The following MECR variants were observed in gnomAD, a reference collection of about 807,000 sequenced individuals.
MECR encodes the protein enoyl-[acyl-carrier-protein] reductase, mitochondrial.
In MECR, 37 loss-of-function variants were observed where a neutral mutation model predicts 49.1. That is an observed-to-expected ratio of 0.75 (90% CI 0.58 to 0.99). The LOEUF is 0.99. Ranked by LOEUF, MECR falls within the 50% of genes least tolerant of loss-of-function variation. The pLI is 0.00. For synonymous variants in MECR, 198 were observed against 191.1 expected, an observed-to-expected ratio of 1.04 and a Z score of -0.30; for missense variants, 470 against 479.6, an observed-to-expected ratio of 0.98 and a Z score of 0.19.
the MECR span, chr1:29,173,161 A>G: frequency 4.5e-5 from 5 of 111,012 alleles, no homozygotes; most frequent in Middle Eastern, 8.8e-3. Flanking sequence ...TTTTTGAGAC[A>G]GAGTCTTGCT....
At position 29,203,171 on chromosome 1, in the gene MECR, C is replaced by A. The variant is rs149278145; in HGVS notation, c.613G>T (p.Ala205Ser). 2 of 1,585,232 alleles carry A rather than the reference C, an allele frequency of 1.3e-6. No homozygotes were observed. The highest frequency in any genetic ancestry group is 1.7e-6 in the Non-Finnish European group (2 of 1,162,128). The change falls in exon 5 of 10, where the codon GCA becomes TCA. Residue 205 changes from alanine to serine, a missense_variant. By Grantham distance (99) the Ala-to-Ser change is moderately conservative. Transcript: ENST00000263702. ...TTGATGGTTCTTAGGCCCAGGGCTG[C>A]GGCGATCTGGATGACTGCTTGCCCC... ...GVGQAVIQIA[A>S]ALGLRTINVV...
At chr1:29,229,148 G>A (rs918931300) in intron 1 of MECR, 17 of 151,822 alleles carry the variant, frequency 1.1e-4, no homozygotes, top group African/African-American at 3.1e-4. Flanking sequence ...AGGCTGATTG[G>A]ATGACCTTGA....
Position 29,230,878 on chromosome 1 carries a change from A to G in MECR, c.29T>C (p.Val10Ala), listed in dbSNP as rs200637441. 15 of 1,581,984 alleles carry G rather than the reference A, an allele frequency of 9.5e-6. No homozygotes were observed. The highest frequency in any genetic ancestry group is 6.8e-5 in the East Asian group (3 of 43,854). The change falls in exon 1 of 10, where the codon GTG (valine) becomes GCG (alanine). Residue 10 changes from valine (V) to alanine (A), a missense_variant. Val to Ala is a moderately conservative substitution (Grantham distance 64, BLOSUM62 0). Transcript: ENST00000263702. Reference protein sequence around the residue: MWVCSTLWRVRTPARQWRGL... With the variant: MWVCSTLWRARTPARQWRGL... ...CCGCCACTGCCGGGCGGGGGTTCGC[A>G]CCCGCCACAGGGTACTGCAGACCCA...
chr1:29,182,530 C>T, the MECR span, among the ~76,000 whole-genome samples: 1 of 151,980 alleles, frequency 6.6e-6, no homozygotes, highest in Non-Finnish European at 1.5e-5. Flanking sequence ...GAGTAAATTA[C>T]TTGACCACAA....
At position 29,194,031 on chromosome 1, in the gene MECR, G is replaced by A. The variant is rs756931173; in HGVS notation, c.1113C>T (p.Leu371=). 24 of 1,613,988 alleles carry A rather than the reference G, an allele frequency of 1.5e-5. No individual in the cohort carries two copies. In the East Asian group the frequency reaches 4.5e-4, roughly 30 times the overall value. Reference sequence around the variant, plus strand: ...AGCTCTTTTGGGATGATCACATGGTGAGAATCTGCTTTGAAGATATGAAGG... The same window carrying A: ...AGCTCTTTTGGGATGATCACATGGTAAGAATCTGCTTTGAAGATATGAAGG... ...MKPFISSKQI[L]TM The change falls in exon 10 of 10, where the codon CTC becomes CTT. Residue 371 remains leucine, a synonymous_variant. Transcript: ENST00000263702.
At chr1:29,186,639 G>A in the MECR span, among the ~76,000 whole-genome samples, 8 of 152,160 alleles carry the variant, frequency 5.3e-5, no homozygotes, top group Admixed American at 3.9e-4. Context: ...TCCTGATTCT[G>A]CCTTTTTCTC....
At position 29,206,899 on chromosome 1, in the gene MECR, C is replaced by A. The variant is rs1676732512; in HGVS notation, c.413G>T (p.Trp138Leu). Residue 138 changes from tryptophan (W) to leucine (L), a missense_variant, in exon 4 of 10, where the codon TGG (tryptophan) becomes TTG (leucine). Trp to Leu is a moderately conservative substitution (Grantham distance 61, BLOSUM62 -2). Transcript: ENST00000263702. ...VIPANAGLGT[W>L]RTEAVFSEEA... is the part of the protein sequence containing the mutation. ...CTCGCTGAACACAGCCTCGGTCCGCCAGGTTCCTGAGTCAGAAGATGAAGC... is the reference window on the plus strand; with the variant it reads ...CTCGCTGAACACAGCCTCGGTCCGCAAGGTTCCTGAGTCAGAAGATGAAGC... 1 of 1,614,040 alleles carries A rather than the reference C, an allele frequency of 6.2e-7. No homozygotes were observed. Among genetic ancestry groups the A allele is most frequent in the Non-Finnish European group, 8.5e-7 (1 of 1,179,992 alleles).
At chr1:29,181,767 T>C in the MECR span, 4 of 1,566,406 alleles carry the variant, frequency 2.6e-6, no homozygotes, top group Non-Finnish European at 1.7e-6. Context: ...GCAACGGCAG[T>C]GATGGCTGGC....
downstream of MECR, among the ~76,000 whole-genome samples, chr1:29,190,198 C>A (rs1673092900): frequency 6.6e-6 from 1 of 151,414 alleles, no homozygotes; most frequent in South Asian, 2.1e-4. Flanking sequence ...CACAGTGAAA[C>A]CCTGTCTCTA....
At chr1:29,226,306 C>T (rs1682062456) in intron 1 of MECR, among the ~76,000 whole-genome samples, 1 of 151,784 alleles carries the variant, frequency 6.6e-6, no homozygotes, top group African/African-American at 2.4e-5. Flanking sequence ...TTTACAAAAG[C>T]CTCGGGATCC....
chr1:29,181,626 C>T, the MECR span: 7 of 1,569,864 alleles, frequency 4.5e-6, no homozygotes, highest in Non-Finnish European at 5.2e-6. Context: ...CCCGGCCGGA[C>T]CCTCTTTCGC....
intron 9 of MECR, 114 bp from the exon 10 acceptor site, chr1:29,194,293 G>A (rs1673439211): frequency 8.3e-7 from 1 of 1,211,162 alleles, no homozygotes; most frequent in Admixed American, 2.4e-5. Context: ...AAAGCCTTGA[G>A]AGTCCTGGCT....
intron 3 of MECR, among the ~76,000 whole-genome samples, chr1:29,215,690 G>A (rs1679213299): frequency 6.6e-6 from 1 of 150,480 alleles, no homozygotes; most frequent in African/African-American, 2.4e-5. Context: ...GGCCAACATG[G>A]TGAAACCCCA....
In MECR at chr1:29,196,181, C is replaced by T. The variant is rs1169346435; in HGVS notation, c.891+17G>A. Reference sequence around the variant, plus strand: ...CTGGCCCGGCTCCAGGCATGCCTCCCTCTGCACCCAGCTTACCACAGAGGC... The same window carrying T: ...CTGGCCCGGCTCCAGGCATGCCTCCTTCTGCACCCAGCTTACCACAGAGGC... On this transcript the variant is annotated intron_variant, in intron 8 of 9. Transcript: ENST00000263702. 6.2e-7 allele frequency: 1 copy of T among 1,614,158 alleles called. No homozygotes were observed. The highest frequency in any genetic ancestry group is 1.1e-5 in the South Asian group (1 of 91,074).
chr1:29,228,182 C>T (rs1222153102), intron 1 of MECR, among the ~76,000 whole-genome samples: 1 of 151,990 alleles, frequency 6.6e-6, no homozygotes, highest in East Asian at 1.9e-4. Context: ...TCAAGACCAG[C>T]CTGGGCAACA....
intron 1 of MECR, among the ~76,000 whole-genome samples, chr1:29,218,950 G>C (rs1680118025): frequency 6.6e-6 from 1 of 152,180 alleles, no homozygotes; most frequent in Non-Finnish European, 1.5e-5. Context: ...GGCTCTAAGA[G>C]GTAAACAACT....
chr1:29,224,350 C>A (rs1212066953), intron 1 of MECR: 2 of 152,148 alleles, frequency 1.3e-5, no homozygotes, highest in Admixed American at 1.3e-4. Context: ...AAGAGGGGGT[C>A]CTTGGTAACA....
In MECR at chr1:29,201,864, C is replaced by T. The variant is rs898064109; in HGVS notation, c.756+79G>A. ...CAGAGAGGAACAATGGGGCCAGTCC[C>T]CAGTTTCTCTAATGCATGTCAACTT... On this transcript the variant is annotated intron_variant, in intron 6 of 9. Coordinates refer to ENST00000263702, the MANE Select transcript of MECR (RefSeq NM_016011.5). The surrounding 1 kb of genome is among the most constrained non-coding windows in gnomAD (Gnocchi z 4.3). The T allele has an allele frequency of 8.2e-7, 1 of 1,219,210 alleles. No homozygotes were observed. Among genetic ancestry groups the T allele is most frequent in the African/African-American group, 1.5e-5 (1 of 66,706 alleles). The allele number at this position is 1,219,210 out of a possible 1,614,324, so 75.5% of individuals were successfully genotyped here. A position where few individuals can be genotyped will look rare whatever the true frequency, so the allele number is the denominator to read the frequency against.
Position 29,216,677 on chromosome 1 carries a change from T to C in MECR, c.185A>G (p.Asn62Ser), listed in dbSNP as rs1204021660. 6.2e-7 allele frequency: 1 copy of C among 1,614,164 alleles called. No homozygotes were observed. Reference protein sequence around the residue: ...GDPAKVVELKNLELAAVRGSD... With the variant: ...GDPAKVVELKSLELAAVRGSD... Reference sequence around the variant, plus strand: ...TCCTCTCACAGCAGCTAGCTCCAGGTTCTTGAGTCTAAGCACAAAGCCAAA... The same window carrying C: ...TCCTCTCACAGCAGCTAGCTCCAGGCTCTTGAGTCTAAGCACAAAGCCAAA... The change falls in exon 2 of 10, where the codon AAC (asparagine) becomes AGC (serine). Residue 62 changes from asparagine (N) to serine (S), a missense_variant. Transcript: ENST00000263702.
Sources: gnomAD v4.1 joint callset for allele counts (sites outside exome capture counted in the v4.1 genomes callset) on GRCh38, gnomAD v4.1.1 for gene constraint, Gnocchi (gnomAD v3.1) non-coding constraint, MANE v1.5 for transcripts, NCBI Gene and HGNC (gene_info 2026-07-23, HGNC 2026-07-21) for gene names.